Variants in APOOL observed in about 807,000 individuals in gnomAD.
APOOL encodes MICOS complex subunit MIC27.
Under a neutral mutation model 23.1 loss-of-function variants are expected in APOOL, and 12 were observed. The ratio of observed to expected loss-of-function variants is 0.52; its 90% CI spans 0.33 to 0.84. The LOEUF is 0.84. Among genes scored for constraint, APOOL ranks in the 40% least tolerant of loss-of-function variants. The pLI is 0.02. For missense variants in APOOL, 212 were observed against 199.6 expected (o/e 1.06, Z -0.37); for synonymous variants, 77 against 69.9 (o/e 1.10, Z -0.51).
At chrX:85,083,059 C>T (rs765838955) in intron 8 of APOOL, among the ~76,000 whole-genome samples, 1 of 110,950 alleles carries the variant, frequency 9.0e-6, no homozygotes, top group Non-Finnish European at 1.9e-5. Context: ...CAGCCCAGAC[C>T]CAGCTCAATG....
chrX:85,019,804 A>T lies in APOOL; in HGVS notation c.15+15877A>T, dbSNP rs774233758. Among the ~76,000 whole-genome samples, 134 of 112,174 alleles carry T rather than the reference A, an allele frequency of 1.2e-3. 3 individuals carry two copies. Among genetic ancestry groups the T allele is most frequent in the Non-Finnish European group, 3.6e-4 (19 of 53,218 alleles). ...TAACAGTAACACAGATCCAGCAGTG[A>T]CAGGACCAAGAAGAGGACTGGGCTG... On this transcript the variant is annotated intron_variant, in intron 1 of 8. Transcript: ENST00000373173.
intron 1 of APOOL, among the ~76,000 whole-genome samples, chrX:85,010,309 T>C (rs73627316): frequency 0.053 from 5,991 of 112,131 alleles, 357 homozygotes; most frequent in African/African-American, 0.18. Context: ...CGCTTATTTG[T>C]CATCTGTGTA....
At chrX:85,031,549 A>T (rs1205869236) in intron 1 of APOOL, among the ~76,000 whole-genome samples, 5 of 111,859 alleles carry the variant, frequency 4.5e-5, no homozygotes, top group African/African-American at 1.6e-4. Context: ...TGAGTGAACT[A>T]GTGGGAATTG....
rs1924467870 is a variant in APOOL, at chrX:85,089,516, G to C, written c.*1838G>C. The C allele has an allele frequency of 9.0e-6, 1 of 111,009 alleles. No individual in the cohort carries two copies. Among genetic ancestry groups the C allele is most frequent in the Non-Finnish European group, 1.9e-5 (1 of 52,984 alleles). The allele number at this position is 111,009 out of a possible 1,213,427, so 9.1% of individuals were successfully genotyped here. ...TGTTATTCTTCATTTTTCTTCTCTT[G>C]CTCTGAATCCCTTAAATGCTGAGGC... On this transcript the variant is annotated 3_prime_UTR_variant, in exon 9 of 9. Coordinates refer to ENST00000373173, the MANE Select transcript of APOOL (RefSeq NM_198450.6).
intron 1 of APOOL, among the ~76,000 whole-genome samples, chrX:85,006,501 GA>G (rs1159001379): frequency 9.3e-6 from 1 of 107,009 alleles, no homozygotes. Context: ...GTGGTGAAAA[GA>G]AGGAACAAAA....
At chrX:85,029,522 T>C (rs1013507699) in intron 1 of APOOL, among the ~76,000 whole-genome samples, 1 of 111,684 alleles carries the variant, frequency 9.0e-6, no homozygotes, top group African/African-American at 3.3e-5. Flanking sequence ...TCTTCTGATC[T>C]TCAGATCTCA....
At chrX:85,014,101 GTTATT>G (rs1921383897) in intron 1 of APOOL, among the ~76,000 whole-genome samples, 1 of 111,455 alleles carries the variant, frequency 9.0e-6, no homozygotes, top group African/African-American at 3.3e-5. Flanking sequence ...TTAAACTGTT[GTTATT>G]TTAAAGTGTG....
At position 85,055,905 on chromosome X, in the gene APOOL, G is replaced by A. The variant is rs762864062; in HGVS notation, c.374G>A (p.Gly125Asp). ...GTTATTACAGTTTCAGGATTGGCGG[G>A]CTTGGTTTCAGCGAGAAAAGGTAGG... The part of the protein sequence containing the change: ...MGVITVSGLA[G>D]LVSARKGSKF... Residue 125 changes from glycine to aspartate, a missense_variant, in exon 5 of 9, where the codon GGC becomes GAC. Transcript: ENST00000373173. 3 of 1,195,915 alleles carry A rather than the reference G, an allele frequency of 2.5e-6. No homozygotes were observed. In the South Asian group the frequency reaches 5.6e-5, roughly 22 times the overall value.
intron 1 of APOOL, among the ~76,000 whole-genome samples, chrX:85,016,191 G>A (rs1921466073): frequency 9.3e-6 from 1 of 107,334 alleles, no homozygotes; most frequent in African/African-American, 3.4e-5. Flanking sequence ...ACCAGTTGTG[G>A]CTAAGATAGG....
chrX:85,077,175 T>C (rs1335667762), intron 8 of APOOL, among the ~76,000 whole-genome samples: 2 of 105,712 alleles, frequency 1.9e-5, no homozygotes, highest in Non-Finnish European at 3.9e-5. Context: ...GTTACATAGG[T>C]ATACATGTGC....
intron 1 of APOOL, among the ~76,000 whole-genome samples, chrX:85,026,675 T>TAG (rs1921856050): frequency 9.0e-6 from 1 of 111,729 alleles, no homozygotes; most frequent in Admixed American, 9.5e-5. Context: ...ATAGGCTAGG[T>TAG]CATCAGATCC....
chrX:85,074,526 C>T, intron 8 of APOOL, 135 bp downstream of exon 8: 1 of 746,869 alleles, frequency 1.3e-6, no homozygotes, highest in Non-Finnish European at 1.9e-6. Flanking sequence ...GTTTCTGTTT[C>T]TTTTTAGGTT....
chrX:85,031,108 T>A (rs2097545155), intron 1 of APOOL, among the ~76,000 whole-genome samples: 1 of 111,681 alleles, frequency 9.0e-6, no homozygotes, highest in African/African-American at 3.3e-5. Context: ...TGCAAGCATA[T>A]GCAAAAATTT....
At chrX:85,005,402 C>G (rs1447574556) in intron 1 of APOOL, among the ~76,000 whole-genome samples, 1 of 32,617 alleles carries the variant, frequency 3.1e-5, no homozygotes, top group African/African-American at 8.4e-5. Context: ...TCACCCCCCC[C>G]CCCCCCCGGG....
chrX:85,039,556 A>G (rs1922339525), intron 1 of APOOL, among the ~76,000 whole-genome samples: 1 of 111,470 alleles, frequency 9.0e-6, no homozygotes, highest in African/African-American at 3.3e-5. Context: ...CCTTGTAGGT[A>G]TCTAAGAACT....
intron 1 of APOOL, among the ~76,000 whole-genome samples, chrX:85,045,530 G>A (rs978800559): frequency 8.9e-6 from 1 of 112,059 alleles, no homozygotes; most frequent in African/African-American, 3.2e-5. Context: ...CAAGGAGACT[G>A]CTTCCCTCAT....
intron 1 of APOOL, among the ~76,000 whole-genome samples, chrX:85,042,812 C>A (rs1044810369): frequency 2.7e-5 from 3 of 111,762 alleles, no homozygotes; most frequent in Non-Finnish European, 3.8e-5. Context: ...TACATCATAT[C>A]AACAGAATGA....
rs984715244 is a variant in APOOL, at chrX:85,091,886, A to G, written c.*4208A>G. 8.9e-6 allele frequency: 1 copy of G among 111,834 alleles called. No homozygotes were observed. Among genetic ancestry groups the G allele is most frequent in the Non-Finnish European group, 1.9e-5 (1 of 53,515 alleles). 9.2% of individuals were successfully genotyped at this position (111,834 alleles called of 1,213,427 possible). A position where few individuals can be genotyped will look rare whatever the true frequency, so the allele number is the denominator to read the frequency against. ...AAACACCCATATTTCATCAAATCTAAGGCATATCATATACCTTTAATTTAA... is the reference window on the plus strand; with the variant it reads ...AAACACCCATATTTCATCAAATCTAGGGCATATCATATACCTTTAATTTAA... On this transcript the variant is annotated 3_prime_UTR_variant, in exon 9 of 9. Transcript: ENST00000373173.
intron 1 of APOOL, among the ~76,000 whole-genome samples, chrX:85,037,424 T>C (rs1922251344): frequency 8.9e-6 from 1 of 111,774 alleles, no homozygotes; most frequent in Non-Finnish European, 1.9e-5. Flanking sequence ...TCTGCTGCCA[T>C]ATGAGACGTG....
Sources: allele counts gnomAD v4.1 joint callset (sites outside exome capture counted in the v4.1 genomes callset), GRCh38; gene constraint gnomAD v4.1.1; transcripts MANE v1.5; gene names NCBI Gene and HGNC (gene_info 2026-07-23, HGNC 2026-07-21).